The following GAS7 variants were observed in gnomAD, a reference collection of about 807,000 sequenced individuals.
The protein encoded by GAS7 is growth arrest specific 7.
GAS7 carries 28 observed loss-of-function variants against 71.1 expected under a neutral mutation model. The ratio of observed to expected loss-of-function variants is 0.39; its 90% CI spans 0.29 to 0.54. The LOEUF (loss-of-function observed/expected upper bound fraction) is 0.54. Ranked by LOEUF, GAS7 falls within the 20% of genes least tolerant of loss-of-function variation. The pLI is 0.62. For synonymous variants in GAS7, 258 were observed against 245.8 expected, an observed-to-expected ratio of 1.05 and a Z score of -0.46; for missense variants, 436 against 627.8, an observed-to-expected ratio of 0.69 and a Z score of 3.27.
intron 1 of GAS7, among the ~76,000 whole-genome samples, chr17:10,092,290 C>G (rs1038697661): frequency 6.6e-6 from 1 of 152,188 alleles, no homozygotes; most frequent in African/African-American, 2.4e-5. Flanking sequence ...CTCCTGCCAC[C>G]CTTTGCTCTG....
chr17:10,198,350 C>A lies in GAS7; in HGVS notation c.41G>T (p.Gly14Val). 6.3e-7 allele frequency: 1 copy of A among 1,598,400 alleles called. No homozygotes were observed. Among genetic ancestry groups the A allele is most frequent in the Admixed American group, 1.7e-5 (1 of 59,880 alleles). Residue 14 changes from glycine to valine, a missense_variant, in exon 1 of 14, where the codon GGG becomes GTG. Coordinates refer to ENST00000432992, the MANE Select transcript of GAS7 (RefSeq NM_201433.2). ...ARCRTLYPFS[G>V]ERHGQGLRFA... The stretch of plus-strand genomic sequence containing the variant: ...GCGCAGCCCCTGGCCGTGCCGCTCC[C>A]CGGAGAAGGGGTACAGGGTCCGGCA...
At chr17:9,955,450 G>GT (rs1178035596) in intron 5 of GAS7, among the ~76,000 whole-genome samples, 1 of 152,202 alleles carries the variant, frequency 6.6e-6, no homozygotes, top group Non-Finnish European at 1.5e-5. Context: ...CGTTTTACAC[G>GT]TATTAGCTCA....
At chr17:10,024,809 C>T (rs935564626) in intron 1 of GAS7, among the ~76,000 whole-genome samples, 1 of 152,196 alleles carries the variant, frequency 6.6e-6, no homozygotes, top group Non-Finnish European at 1.5e-5. Flanking sequence ...CACACACACG[C>T]TATTTCATAA....
chr17:10,049,367 T>C (rs1211869152), intron 1 of GAS7, among the ~76,000 whole-genome samples: 1 of 152,134 alleles, frequency 6.6e-6, no homozygotes, highest in Non-Finnish European at 1.5e-5. Context: ...ATCCTCCCTC[T>C]AAAAGCTGTC....
intron 2 of GAS7, among the ~76,000 whole-genome samples, chr17:10,010,915 A>G (rs78794601): frequency 0.01 from 1,536 of 152,342 alleles, 46 homozygotes; most frequent in East Asian, 0.097. Context: ...AGCCATAGAC[A>G]ATATGTAAAC....
chr17:10,106,757 C>A (rs554349031), intron 1 of GAS7, among the ~76,000 whole-genome samples: 7 of 136,388 alleles, frequency 5.1e-5, no homozygotes, highest in African/African-American at 1.4e-4. Flanking sequence ...TTAAAAGATA[C>A]CCGCTGTGGT....
chr17:10,179,147 T>C (rs544359168), intron 1 of GAS7, among the ~76,000 whole-genome samples: 20 of 152,032 alleles, frequency 1.3e-4, no homozygotes, highest in African/African-American at 4.6e-4. Context: ...CTGACCAACA[T>C]GGAGAAACTC....
At chr17:10,052,412 G>T (rs548119464) in intron 1 of GAS7, among the ~76,000 whole-genome samples, 5 of 152,304 alleles carry the variant, frequency 3.3e-5, no homozygotes, top group African/African-American at 1.2e-4. Context: ...AGGGGTCCCA[G>T]CGGGGAGAAA....
chr17:10,031,028 G>A (rs1325839097), intron 1 of GAS7, among the ~76,000 whole-genome samples: 1 of 152,228 alleles, frequency 6.6e-6, no homozygotes, highest in Admixed American at 6.5e-5. Context: ...GCAAGAGGAA[G>A]CCTCACACTG....
rs1014210414 is a variant in GAS7 at position 10,174,585 on chromosome 17, G to A, written c.183+23623C>T. On this transcript the variant is annotated intron_variant, in intron 1 of 13. Transcript: ENST00000432992. Reference sequence around the variant, plus strand: ...CGGGCGCCTGTAGTCCCAGCTACTCGGGAGGCCGAGGCAGGAGAATGGCGT... The same window carrying A: ...CGGGCGCCTGTAGTCCCAGCTACTCAGGAGGCCGAGGCAGGAGAATGGCGT... Among the ~76,000 whole-genome samples the A allele has an allele frequency of 9.2e-5, 14 of 152,098 alleles. No individual in the cohort carries two copies. In the East Asian group the frequency reaches 9.7e-4, roughly 11 times the overall value.
intron 1 of GAS7, among the ~76,000 whole-genome samples, chr17:10,159,996 C>T (rs571069077): frequency 2.0e-5 from 3 of 152,082 alleles, no homozygotes; most frequent in Admixed American, 6.5e-5. Context: ...CCAGGCTGGT[C>T]TTGAACTCCT....
intron 2 of GAS7, among the ~76,000 whole-genome samples, chr17:9,998,229 G>T (rs1475676875): frequency 6.6e-6 from 1 of 152,222 alleles, no homozygotes; most frequent in Non-Finnish European, 1.5e-5. Context: ...CAAGGTTTAT[G>T]CCAGGGAGCT....
intron 1 of GAS7, among the ~76,000 whole-genome samples, chr17:10,128,737 A>G (rs2073972338): frequency 6.7e-6 from 1 of 150,052 alleles, no homozygotes; most frequent in African/African-American, 2.5e-5. Flanking sequence ...CTCCTGCCTC[A>G]GCCTCCCGAG....
At chr17:9,958,649 TG>T (rs1245833585) in intron 5 of GAS7, among the ~76,000 whole-genome samples, 1 of 6,472 alleles carries the variant, frequency 1.5e-4, no homozygotes, top group Non-Finnish European at 2.8e-4. Context: ...CATCTCTGCA[TG>T]GGGGTGGGTG....
At chr17:9,988,363 A>C (rs1376734196) in intron 2 of GAS7, among the ~76,000 whole-genome samples, 1 of 152,126 alleles carries the variant, frequency 6.6e-6, no homozygotes, top group Admixed American at 6.5e-5. Flanking sequence ...CCTGTCCTCC[A>C]AGCGAGCCCC....
intron 1 of GAS7, among the ~76,000 whole-genome samples, chr17:10,163,236 G>A (rs2142121386): frequency 6.6e-6 from 1 of 152,208 alleles, no homozygotes; most frequent in South Asian, 2.1e-4. Context: ...TCAGCCTCCT[G>A]AGGAGCTGGG....
chr17:10,168,969 CAA>C (rs58482916), intron 1 of GAS7, among the ~76,000 whole-genome samples: 13 of 115,564 alleles, frequency 1.1e-4, no homozygotes, highest in South Asian at 2.8e-4. Context: ...GACTCCATCT[CAA>C]AAAAAAAAAA....
At chr17:10,111,171 T>A in intron 1 of GAS7, among the ~76,000 whole-genome samples, 1 of 151,908 alleles carries the variant, frequency 6.6e-6, no homozygotes, top group Non-Finnish European at 1.5e-5. Context: ...GAGGCTGAGA[T>A]GGGAGGATCC....
chr17:10,058,708 G>A (rs993122092), intron 1 of GAS7, among the ~76,000 whole-genome samples: 2 of 152,160 alleles, frequency 1.3e-5, no homozygotes, highest in Non-Finnish European at 2.9e-5. Context: ...TCTGCTCTCA[G>A]ACACATCACA....
Sources: allele counts gnomAD v4.1 joint callset (sites outside exome capture counted in the v4.1 genomes callset), GRCh38; gene constraint gnomAD v4.1.1; transcripts MANE v1.5; gene names NCBI Gene and HGNC (gene_info 2026-07-23, HGNC 2026-07-21).